The following TATDN3 variants were observed in gnomAD, a reference collection of about 807,000 sequenced individuals.
TATDN3 encodes TatD DNase domain containing 3.
A neutral mutation model predicts 40.1 loss-of-function variants in TATDN3; 29 were observed. The ratio of observed to expected loss-of-function variants is 0.72; its 90% confidence interval spans 0.54 to 0.99. The LOEUF (loss-of-function observed/expected upper bound fraction) is 0.99, where lower values mean the gene tolerates loss of function less well. Ranked by LOEUF, TATDN3 falls within the 50% of genes least tolerant of loss-of-function variation. TATDN3 has a pLI of 0.00. For missense variants in TATDN3, 309 were observed against 321.9 expected, an observed-to-expected ratio of 0.96 and a Z score of 0.31; for synonymous variants, 105 against 117.0, an observed-to-expected ratio of 0.90 and a Z score of 0.66.
At chr1:212,810,385 G>A (rs1290080326) in intron 8 of TATDN3, among the ~76,000 whole-genome samples, 10 of 151,724 alleles carry the variant, frequency 6.6e-5, no homozygotes, top group African/African-American at 2.4e-4. Context: ...GGTGGTGGGC[G>A]CCTGTAGTCC....
intron 8 of TATDN3, among the ~76,000 whole-genome samples, chr1:212,811,315 T>C (rs1265236355): frequency 2.0e-5 from 3 of 152,142 alleles, no homozygotes; most frequent in Admixed American, 1.3e-4. Context: ...GTATTTTTAG[T>C]AGAGACGGGG....
Position 212,791,907 on chromosome 1 carries a change from A to T in TATDN3, c.-15A>T. 1 of 1,613,026 alleles carries T rather than the reference A, an allele frequency of 6.2e-7. No homozygotes were observed. Among genetic ancestry groups the T allele is most frequent in the Non-Finnish European group, 8.5e-7 (1 of 1,179,610 alleles). ...GCTCTGCTGGCCGGTCTAAAGCGGC[A>T]GCCGCCGGGGCGCAATGCGAGCGGC... On this transcript the variant is annotated 5_prime_UTR_variant, in exon 1 of 10. Coordinates refer to ENST00000366974, the MANE Select transcript of TATDN3 (RefSeq NM_001042552.3).
intron 8 of TATDN3, among the ~76,000 whole-genome samples, chr1:212,811,339 G>T (rs952274765): frequency 1.3e-5 from 2 of 152,070 alleles, no homozygotes; most frequent in Admixed American, 6.6e-5. Flanking sequence ...CACCATGTTG[G>T]TCAGGCTGGT....
chr1:212,810,490 T>C lies in TATDN3; in HGVS notation c.601-1758T>C, dbSNP rs537022694. On this transcript the variant is annotated intron_variant, in intron 8 of 9. Transcript: ENST00000366974. ...TCGCGCCACTGCACGCCAGCCTGGG[T>C]GACAGAGCGAGACTCTGTCTCAAAA... is the stretch of plus-strand genomic sequence containing the variant. Among the ~76,000 whole-genome samples the C allele has an allele frequency of 2.9e-3, 344 of 117,130 alleles. 3 individuals carry two copies. Among genetic ancestry groups the C allele is most frequent in the African/African-American group, 0.011 (327 of 30,410 alleles). 76.8% of individuals were successfully genotyped at this position (117,130 alleles called of 152,430 possible). A position where few individuals can be genotyped will look rare whatever the true frequency, so the allele number is the denominator to read the frequency against.
At position 212,797,102 on chromosome 1, in the gene TATDN3, A is replaced by G. The variant is rs1661820832; in HGVS notation, c.174-10A>G. On this transcript the variant is annotated splice_polypyrimidine_tract_variant and intron_variant, in intron 3 of 9. Transcript: ENST00000366974. ...TGTTCCTGCTTTCTCAGTTGGTTCT[A>G]CATTTTTAGGTATAATGGGTTTGTC... is the stretch of plus-strand genomic sequence containing the variant. 1.2e-6 allele frequency: 2 copies of G among 1,612,240 alleles called. No individual in the cohort carries two copies. Among genetic ancestry groups the G allele is most frequent in the East Asian group, 4.5e-5 (2 of 44,868 alleles).
chr1:212,795,984 TC>T (rs1242475854), intron 2 of TATDN3, among the ~76,000 whole-genome samples: 1 of 152,208 alleles, frequency 6.6e-6, no homozygotes, highest in African/African-American at 2.4e-5. Flanking sequence ...AACAAATTGG[TC>T]CATCTTTCAG....
At chr1:212,812,697 T>G (rs960548944) in intron 9 of TATDN3, among the ~76,000 whole-genome samples, 4 of 152,126 alleles carry the variant, frequency 2.6e-5, no homozygotes, top group African/African-American at 9.7e-5. Flanking sequence ...GGTAAAATAA[T>G]AAATACATTA....
At chr1:212,800,658 G>GC (rs1287866528) in intron 4 of TATDN3, among the ~76,000 whole-genome samples, 2 of 151,674 alleles carry the variant, frequency 1.3e-5, no homozygotes, top group Non-Finnish European at 2.9e-5. Context: ...GATCCCTTTT[G>GC]CCCTCCTTCC....
chr1:212,813,818 C>G (rs899674912), intron 9 of TATDN3, among the ~76,000 whole-genome samples: 1 of 152,042 alleles, frequency 6.6e-6, no homozygotes, highest in South Asian at 2.1e-4. Context: ...TCAAGCAATT[C>G]TCCTGCCTCA....
chr1:212,799,523 A>C (rs994380257), intron 4 of TATDN3, among the ~76,000 whole-genome samples: 1 of 151,692 alleles, frequency 6.6e-6, no homozygotes, highest in South Asian at 2.1e-4. Flanking sequence ...ATATGCCAAC[A>C]GTATGATAGG....
At chr1:212,797,269 C>T (rs1462729211) in intron 4 of TATDN3, 73 bp downstream of exon 4, 2 of 1,084,280 alleles carry the variant, frequency 1.8e-6, no homozygotes, top group Non-Finnish European at 2.8e-6. Context: ...TAATCCTCCT[C>T]TTTCTAATTT....
intron 9 of TATDN3, among the ~76,000 whole-genome samples, chr1:212,812,848 C>CA (rs1284162922): frequency 3.9e-5 from 6 of 151,968 alleles, no homozygotes; most frequent in Non-Finnish European, 7.4e-5. Flanking sequence ...ACTAAAAATA[C>CA]AAAAAAATTA....
At chr1:212,806,282 G>A (rs756765328) in intron 7 of TATDN3, among the ~76,000 whole-genome samples, 3 of 151,204 alleles carry the variant, frequency 2.0e-5, no homozygotes, top group Non-Finnish European at 1.5e-5. Context: ...CCTCCTGTTA[G>A]AAACAATTAG....
Position 212,796,718 on chromosome 1 carries a change from G to A in TATDN3, c.173+128G>A. ...AAAAGCATTTTAACATAGCCCTAAA[G>A]AGATTATTTTCTACTTATTCCTTTT... On this transcript the variant is annotated intron_variant, in intron 3 of 9. Transcript: ENST00000366974. 5 of 625,610 alleles carry A rather than the reference G, an allele frequency of 8.0e-6. No individual in the cohort carries two copies. The South Asian group carries it at 1.7e-4, about 21-fold the overall frequency. 38.8% of individuals were successfully genotyped at this position (625,610 alleles called of 1,614,324 possible).
chr1:212,792,302 T>C (rs2102418753), intron 1 of TATDN3, among the ~76,000 whole-genome samples: 1 of 152,196 alleles, frequency 6.6e-6, no homozygotes, highest in African/African-American at 2.4e-5. Flanking sequence ...CTGGCTGAGA[T>C]GCCACTCTTT....
chr1:212,814,914 C>A, intron 9 of TATDN3, 99 bp from the exon 10 acceptor site: 2 of 1,316,152 alleles, frequency 1.5e-6, no homozygotes, highest in South Asian at 1.6e-5. Context: ...AGGAGCCCAT[C>A]AGTTGTTTTT....
rs759697077 is a variant in TATDN3 at position 212,796,489 on chromosome 1, G to A, written c.100-28G>A. ...AATTTATATTAAATGTATATTGTTT[G>A]TAACTTTATTCTTTTTTTTTTTTTC... On this transcript the variant is annotated intron_variant, in intron 2 of 9. Coordinates refer to ENST00000366974, the MANE Select transcript of TATDN3 (RefSeq NM_001042552.3). 63 of 1,442,870 alleles carry A rather than the reference G, an allele frequency of 4.4e-5. No homozygotes were observed. In the South Asian group the frequency reaches 6.1e-4, roughly 14 times the overall value. The allele number at this position is 1,442,870 out of a possible 1,614,324, so 89.4% of individuals were successfully genotyped here.
chr1:212,806,629 T>C (rs1662486262), intron 7 of TATDN3, among the ~76,000 whole-genome samples: 1 of 149,608 alleles, frequency 6.7e-6, no homozygotes, highest in Admixed American at 6.7e-5. Flanking sequence ...GATCCTCCCA[T>C]CTCAGCATCC....
At chr1:212,797,042 T>TA in intron 3 of TATDN3, 70 bp from the exon 4 acceptor site, 1 of 1,243,750 alleles carries the variant, frequency 8.0e-7, no homozygotes, top group South Asian at 1.2e-5. Context: ...GACCTCTACT[T>TA]ATTCTTTAGA....
Sources: allele counts gnomAD v4.1 joint callset (sites outside exome capture counted in the v4.1 genomes callset), GRCh38; gene constraint gnomAD v4.1.1; transcripts MANE v1.5; gene names NCBI Gene and HGNC (gene_info 2026-07-23, HGNC 2026-07-21).